The following OGDHL variants were observed in gnomAD, a reference collection of about 807,000 sequenced individuals.
OGDHL encodes 2-oxoglutarate dehydrogenase-like, mitochondrial.
OGDHL carries 79 observed loss-of-function variants against 109.6 expected under a neutral mutation model. That is an observed-to-expected ratio of 0.72 (90% CI 0.60 to 0.87). The LOEUF (loss-of-function observed/expected upper bound fraction) is 0.87. Among genes scored for constraint, OGDHL ranks in the 40% least tolerant of loss-of-function variants. The pLI, the probability that OGDHL is intolerant of heterozygous loss-of-function variation, is 0.00. For synonymous variants in OGDHL, 528 were observed against 537.2 expected (o/e 0.98, Z 0.24); for missense variants, 1,275 against 1,362.2 (o/e 0.94, Z 1.01).
At chr10:49,745,673 G>T in intron 11 of OGDHL, 125 bp downstream of exon 11, 1 of 1,309,118 alleles carries the variant, frequency 7.6e-7, no homozygotes, top group Non-Finnish European at 1.1e-6. Flanking sequence ...TGCTCTTGGT[G>T]GCATAAATCT....
chr10:49,746,012 A>G, intron 10 of OGDHL, 35 bp from the exon 11 acceptor site: 1 of 1,606,548 alleles, frequency 6.2e-7, no homozygotes, highest in South Asian at 1.1e-5. Context: ...GCGCCTCTCA[A>G]TTTACTTAGA....
At position 49,756,823 on chromosome 10, in the gene OGDHL, A is replaced by T. The variant is rs546170339; in HGVS notation, c.328T>A (p.Leu110Met). 6.2e-7 allele frequency: 1 copy of T among 1,614,004 alleles called. No homozygotes were observed. The highest frequency in any genetic ancestry group is 1.1e-5 in the South Asian group (1 of 91,012). ...TGCACAGCCAGGTGGTCCTCCACCAATTTGCTGGTCTTGGTCCGACTTGAG... is the reference window on the plus strand; with the variant it reads ...TGCACAGCCAGGTGGTCCTCCACCATTTTGCTGGTCTTGGTCCGACTTGAG... ...AVSSRTKTSK[L>M]VEDHLAVQSL... The change falls in exon 3 of 23, where the codon TTG becomes ATG. Residue 110 changes from leucine (L) to methionine (M), a missense_variant. Physicochemically the swap from Leu to Met is conservative, Grantham distance 15. Transcript: ENST00000374103.
Position 49,742,908 on chromosome 10 carries a change from C to T in OGDHL, c.1932G>A (p.Glu644=), listed in dbSNP as rs1347842020. 9 of 1,613,976 alleles carry T rather than the reference C, an allele frequency of 5.6e-6. No homozygotes were observed. The highest frequency in any genetic ancestry group is 1.6e-4 in the Middle Eastern group (1 of 6,076). ...KNRTVDWALA[E]YMAFGSLLKE... ...TCAGCAGGGAGCCAAAGGCCATGTA[C>T]TCTGCCAACGCCCAGTCCACCGTCC... Residue 644 remains glutamate, a synonymous_variant, in exon 15 of 23, where the codon GAG becomes GAA. Transcript: ENST00000374103.
At chr10:49,742,042 CAT>C (rs141085973) in intron 15 of OGDHL, among the ~76,000 whole-genome samples, 1 of 107,402 alleles carries the variant, frequency 9.3e-6, no homozygotes, top group African/African-American at 2.8e-5. Context: ...ACATACCACA[CAT>C]ATCACACGCA....
In OGDHL at chr10:49,746,783, G is replaced by A; in HGVS notation, c.1263C>T (p.Thr421=). The change falls in exon 10 of 23, where the codon ACC becomes ACT. Residue 421 remains threonine (T), a synonymous_variant. Coordinates refer to ENST00000374103, the MANE Select transcript of OGDHL (RefSeq NM_018245.3). ...FHLSDLPSYT[T]NGTVHVVVNN... ...TGACGACGACGTGCACGGTACCATT[G>A]GTCGTGTAGGAGGGCAGGTCGCTCA... The A allele has an allele frequency of 1.2e-6, 2 of 1,614,182 alleles. No homozygotes were observed. Among genetic ancestry groups the A allele is most frequent in the Non-Finnish European group, 1.7e-6 (2 of 1,180,032 alleles).
At chr10:49,761,788 A>G (rs1843302092) in intron 1 of OGDHL, among the ~76,000 whole-genome samples, 1 of 152,142 alleles carries the variant, frequency 6.6e-6, no homozygotes, top group African/African-American at 2.4e-5. Context: ...CTCATCTGTA[A>G]TCGGAGACCG....
chr10:49,747,306 T>C, intron 8 of OGDHL, 98 bp from the exon 9 acceptor site: 1 of 1,320,614 alleles, frequency 7.6e-7, no homozygotes, highest in Non-Finnish European at 1.1e-6. Flanking sequence ...GCTGGCACAT[T>C]CCCCCGATCC....
rs1842683482 is a variant in OGDHL at position 49,752,641 on chromosome 10, G to A, written c.475C>T (p.Leu159=). Residue 159 remains leucine (L), a synonymous_variant, in exon 4 of 23, where the codon CTG becomes TTG. Transcript: ENST00000374103. ...CCGTCCTGAGGAAGGGTCTTACCCAGTTTATCAATGGTTGTGATCAAGTCT... is the reference window on the plus strand; with the variant it reads ...CCGTCCTGAGGAAGGGTCTTACCCAATTTATCAATGGTTGTGATCAAGTCT... ...PSDLITTIDK[L]AFYDLQEADL... is the part of the protein sequence containing the mutation. 3 of 1,613,720 alleles carry A rather than the reference G, an allele frequency of 1.9e-6. No homozygotes were observed. The Admixed American group carries it at 5.0e-5, about 27-fold the overall frequency.
chr10:49,737,086 CTG>C (rs1295928621), intron 20 of OGDHL, among the ~76,000 whole-genome samples: 1 of 152,216 alleles, frequency 6.6e-6, no homozygotes. Context: ...GGTGAAGACT[CTG>C]GGGTAGAGAG....
chr10:49,747,711 G>T (rs1244107339), intron 8 of OGDHL, among the ~76,000 whole-genome samples: 4 of 152,160 alleles, frequency 2.6e-5, no homozygotes, highest in African/African-American at 9.7e-5. Flanking sequence ...AATTTGCCAT[G>T]GGGGAGCAAA....
chr10:49,757,004 G>T, intron 2 of OGDHL, 58 bp from the exon 3 acceptor site: 3 of 1,549,402 alleles, frequency 1.9e-6, no homozygotes, highest in Non-Finnish European at 2.6e-6. Flanking sequence ...AGTCAGGGGT[G>T]GCCCAGGCTG....
intron 8 of OGDHL, among the ~76,000 whole-genome samples, chr10:49,747,938 C>T (rs1396324638): frequency 6.6e-6 from 1 of 152,178 alleles, no homozygotes; most frequent in Non-Finnish European, 1.5e-5. Flanking sequence ...CAACTGAATT[C>T]ATAACAAAGA....
chr10:49,754,285 T>A (rs1376058289), intron 3 of OGDHL, among the ~76,000 whole-genome samples: 3 of 152,208 alleles, frequency 2.0e-5, no homozygotes, highest in African/African-American at 7.2e-5. Flanking sequence ...TTTGAGCAAC[T>A]ATAAGGACAG....
At chr10:49,752,881 C>T (rs762982807) in intron 3 of OGDHL, 141 bp from the exon 4 acceptor site, 2 of 626,866 alleles carry the variant, frequency 3.2e-6, no homozygotes, top group Non-Finnish European at 2.8e-6. Context: ...GGCTACTTCA[C>T]TGCTGCCTGC....
chr10:49,745,300 C>T (rs1842092900), intron 12 of OGDHL, 44 bp downstream of exon 12: 2 of 1,606,412 alleles, frequency 1.2e-6, no homozygotes, highest in Non-Finnish European at 8.5e-7. Context: ...CCAGGGTCCC[C>T]ACCCAAAGTT....
rs1842934492 is a variant in OGDHL at position 49,756,671 on chromosome 10, C to T, written c.375+105G>A. The T allele has an allele frequency of 4.3e-6, 5 of 1,153,388 alleles. No individual in the cohort carries two copies. In the African/African-American group the frequency reaches 4.7e-5, roughly 11 times the overall value. The allele number at this position is 1,153,388 out of a possible 1,614,324, so 71.4% of individuals were successfully genotyped here. On this transcript the variant is annotated intron_variant, in intron 3 of 22. Coordinates refer to ENST00000374103, the MANE Select transcript of OGDHL (RefSeq NM_018245.3). ...GCTCAGTAGAGGACAAGGAGAAGGG[C>T]TCTCTGGGGAGATGATGTTGGAGCT...
rs779420773 is a variant in OGDHL, at chr10:49,745,960, G to A, written c.1314C>T (p.Asp438=). 6.2e-7 allele frequency: 1 copy of A among 1,614,118 alleles called. No individual in the cohort carries two copies. The highest frequency in any genetic ancestry group is 1.1e-5 in the South Asian group (1 of 91,072). Residue 438 remains aspartate, a synonymous_variant, in exon 11 of 23, where the codon GAC becomes GAT. Coordinates refer to ENST00000374103, the MANE Select transcript of OGDHL (RefSeq NM_018245.3). ...VVNNQIGFTT[D]PRMARSSPYP... is the part of the protein sequence containing the mutation. ...ATGGTGAGGAGCGGGCCATTCGGGGGTCTGTGGTGAATCCAATCTGCAGAG... is the reference window on the plus strand; with the variant it reads ...ATGGTGAGGAGCGGGCCATTCGGGGATCTGTGGTGAATCCAATCTGCAGAG...
chr10:49,758,997 G>C (rs116261563), intron 1 of OGDHL, among the ~76,000 whole-genome samples: 177 of 152,138 alleles, frequency 1.2e-3, no homozygotes, highest in African/African-American at 4.0e-3. Flanking sequence ...AAGAAGGAGT[G>C]GGTCTCAGGC....
Position 49,745,468 on chromosome 10 carries a change from TCATTGTG to T in OGDHL, c.1498_1504del (p.His500ArgfsTer23). On this transcript the variant is annotated frameshift_variant, in exon 12 of 23. Coordinates refer to ENST00000374103, the MANE Select transcript of OGDHL (RefSeq NM_018245.3). LOFTEE classifies it high-confidence loss of function. ...CTGGGTGAACATGGGCTCGTCCATCTCATTGTGGCCACGCCGGCGGTAACAGACCTGC... is the reference window on the plus strand; with the variant it reads ...CTGGGTGAACATGGGCTCGTCCATCTGCCACGCCGGCGGTAACAGACCTGC... The T allele has an allele frequency of 1.9e-6, 3 of 1,614,128 alleles. No homozygotes were observed. The highest frequency in any genetic ancestry group is 2.5e-6 in the Non-Finnish European group (3 of 1,180,044).
Sources: allele counts gnomAD v4.1 joint callset (sites outside exome capture counted in the v4.1 genomes callset), GRCh38; gene constraint gnomAD v4.1.1; transcripts MANE v1.5; gene names NCBI Gene and HGNC (gene_info 2026-07-23, HGNC 2026-07-21).